The following CDH11 variants were observed in gnomAD, a reference collection of about 807,000 sequenced individuals.
The protein encoded by CDH11 is cadherin-11.
CDH11 carries 11 observed loss-of-function variants against 67.8 expected under a neutral mutation model. That is an observed-to-expected ratio of 0.16 (90% CI 0.10 to 0.27). The LOEUF is 0.27. CDH11 is among the 10% of genes least tolerant of loss of function. CDH11 has a pLI of 1.00. For missense variants in CDH11, 847 were observed against 1,031.2 expected (o/e 0.82, Z 2.45); for synonymous variants, 419 against 400.0 (o/e 1.05, Z -0.57).
chr16:64,984,793 G>A (rs947537527), intron 7 of CDH11: 4 of 152,166 alleles, frequency 2.6e-5, no homozygotes, highest in Admixed American at 2.6e-4. Context: ...ATAACAGCAT[G>A]TAAAATGTTT....
At chr16:64,971,509 G>A in intron 11 of CDH11, 70 bp downstream of exon 11, 1 of 835,708 alleles carries the variant, frequency 1.2e-6, no homozygotes, top group East Asian at 2.4e-5. Flanking sequence ...AAATACTTGT[G>A]CTATGCAATG....
chr16:65,072,906 T>C (rs577375801), intron 1 of CDH11, among the ~76,000 whole-genome samples: 288 of 152,256 alleles, frequency 1.9e-3, no homozygotes, highest in Non-Finnish European at 3.0e-3. Flanking sequence ...CATGTGGGGT[T>C]TCCTATAAAA....
intron 12 of CDH11, chr16:64,948,520 G>T: frequency 9.2e-7 from 1 of 1,088,174 alleles, no homozygotes; most frequent in Non-Finnish European, 1.4e-6. Flanking sequence ...AGCCCTTAGG[G>T]CCTACCATCT....
chr16:65,097,956 A>G (rs1037561978), intron 1 of CDH11, among the ~76,000 whole-genome samples: 7 of 152,208 alleles, frequency 4.6e-5, no homozygotes, highest in Non-Finnish European at 1.0e-4. Flanking sequence ...CCACCAAAAA[A>G]GAGCAGGTGA....
intron 1 of CDH11, among the ~76,000 whole-genome samples, chr16:65,081,601 T>G (rs2074612226): frequency 6.7e-6 from 1 of 149,180 alleles, no homozygotes; most frequent in Non-Finnish European, 1.5e-5. Context: ...TACCATGTAA[T>G]ACAGCCCTAT....
intron 11 of CDH11, among the ~76,000 whole-genome samples, chr16:64,957,892 G>A (rs914295725): frequency 2.6e-5 from 4 of 151,890 alleles, no homozygotes; most frequent in South Asian, 2.1e-4. Context: ...TCAATCCAAG[G>A]GACTGAAATA....
intron 11 of CDH11, among the ~76,000 whole-genome samples, chr16:64,967,092 A>C (rs1282532774): frequency 1.3e-5 from 2 of 152,238 alleles, no homozygotes; most frequent in African/African-American, 4.8e-5. Flanking sequence ...ACTAGAATTG[A>C]CCTGGATGTG....
chr16:64,948,489 T>C, intron 12 of CDH11: 10 of 882,764 alleles, frequency 1.1e-5, no homozygotes, highest in Middle Eastern at 2.4e-4. Context: ...TTTTCCAAGG[T>C]TTAAAAATGA....
At chr16:65,106,172 G>A (rs2075062654) in intron 1 of CDH11, among the ~76,000 whole-genome samples, 1 of 152,052 alleles carries the variant, frequency 6.6e-6, no homozygotes, top group Admixed American at 6.6e-5. Flanking sequence ...GAGCTCAACT[G>A]TTTTTCCCAA....
intron 6 of CDH11, among the ~76,000 whole-genome samples, chr16:64,990,735 CA>C (rs2072609336): frequency 6.6e-6 from 1 of 152,136 alleles, no homozygotes; most frequent in African/African-American, 2.4e-5. Context: ...AATAACCTTT[CA>C]AAATCATTGT....
chr16:65,040,536 T>C (rs2073846922), intron 2 of CDH11, among the ~76,000 whole-genome samples: 2 of 142,294 alleles, frequency 1.4e-5, no homozygotes, highest in African/African-American at 2.6e-5. Flanking sequence ...AAGGGGAACA[T>C]CACACCCTGG....
chr16:64,973,139 G>T, intron 8 of CDH11, 99 bp from the exon 9 acceptor site: 1 of 1,126,526 alleles, frequency 8.9e-7, no homozygotes, highest in Non-Finnish European at 1.3e-6. Context: ...GCTTCTCAAT[G>T]AATTACTTAA....
chr16:65,082,968 G>A (rs1044086826), intron 1 of CDH11, among the ~76,000 whole-genome samples: 2 of 152,158 alleles, frequency 1.3e-5, no homozygotes, highest in Non-Finnish European at 2.9e-5. Context: ...AGGGTTTTAT[G>A]TAGTAGGGCT....
chr16:65,008,535 T>C (rs1388303789), intron 2 of CDH11, among the ~76,000 whole-genome samples: 1 of 152,244 alleles, frequency 6.6e-6, no homozygotes, highest in Non-Finnish European at 1.5e-5. Flanking sequence ...GTAACTCATC[T>C]ATTAATTTCT....
At chr16:65,060,039 G>A (rs1277702976) in intron 1 of CDH11, among the ~76,000 whole-genome samples, 6 of 152,040 alleles carry the variant, frequency 3.9e-5, no homozygotes, top group East Asian at 1.9e-4. Flanking sequence ...TCTACTACAC[G>A]CCATCGGTAT....
chr16:64,986,204 T>C (rs905941318), intron 7 of CDH11: 2 of 152,104 alleles, frequency 1.3e-5, no homozygotes, highest in Non-Finnish European at 2.9e-5. Flanking sequence ...TTTCCCCCGG[T>C]GGACATTTGG....
rs1265570363 is a variant in CDH11 at position 65,019,022 on chromosome 16, T to C, written c.-172-13981A>G. ...ATTATTGTTCACATTCACTAATTCA[T>C]GTCAAAATTATAGGAGTTTCACATA... On this transcript the variant is annotated intron_variant, in intron 2 of 12. Coordinates refer to ENST00000268603, the MANE Select transcript of CDH11 (RefSeq NM_001797.4). 3.9e-5 allele frequency among the ~76,000 whole-genome samples: 6 copies of C among 152,330 alleles called. No homozygotes were observed. In the East Asian group the frequency reaches 1.2e-3, roughly 29 times the overall value.
chr16:65,094,690 A>G (rs2074856113), intron 1 of CDH11: 1 of 152,164 alleles, frequency 6.6e-6, no homozygotes, highest in Non-Finnish European at 1.5e-5. Flanking sequence ...AGGAGACACG[A>G]TGATACTGAC....
intron 2 of CDH11, among the ~76,000 whole-genome samples, chr16:65,031,741 T>C (rs1225021103): frequency 3.9e-5 from 6 of 152,046 alleles, no homozygotes. Flanking sequence ...ATGATAACCA[T>C]AATTATAATA....
Sources: gnomAD v4.1 joint callset for allele counts (sites outside exome capture counted in the v4.1 genomes callset) on GRCh38, gnomAD v4.1.1 for gene constraint, MANE v1.5 for transcripts, NCBI Gene and HGNC (gene_info 2026-07-23, HGNC 2026-07-21) for gene names.